The following HCK variants were observed in gnomAD, a reference collection of about 807,000 sequenced individuals.
HCK encodes the protein HCK proto-oncogene, Src family tyrosine kinase.
In HCK, 40 loss-of-function variants were observed where a neutral mutation model predicts 70.4. That is an observed-to-expected ratio of 0.57 (90% CI 0.44 to 0.74). HCK has a LOEUF of 0.74. Among genes scored for constraint, HCK ranks in the 30% least tolerant of loss-of-function variants. The probability of loss-of-function intolerance (pLI) is 0.00; values close to 1 mark genes in which losing one functional copy is unlikely to be tolerated. For missense variants in HCK, 568 were observed against 697.2 expected, an observed-to-expected ratio of 0.81 and a Z score of 2.09; for synonymous variants, 245 against 263.2, an observed-to-expected ratio of 0.93 and a Z score of 0.67.
chr20:32,081,236 C>A (rs770973323), intron 6 of HCK, among the ~76,000 whole-genome samples: 4 of 152,174 alleles, frequency 2.6e-5, no homozygotes, highest in Non-Finnish European at 5.9e-5. Context: ...GAAAATGCTC[C>A]TTGGAAGCTT....
intron 1 of HCK, among the ~76,000 whole-genome samples, chr20:32,071,340 C>T (rs752221323): frequency 5.3e-5 from 8 of 152,174 alleles, no homozygotes; most frequent in Non-Finnish European, 1.0e-4. Context: ...CCCAACAGCT[C>T]TACCTGTTAC....
rs764138133 is a variant in HCK, at chr20:32,086,578, G to A, written c.836-50G>A. On this transcript the variant is annotated intron_variant, in intron 8 of 12. Coordinates refer to ENST00000375852, the MANE Select transcript of HCK (RefSeq NM_002110.5). ...GCAGCTGGGCCTTCTAGGGTGGTAC[G>A]GGAGACCAGTGGGCTCTGACCACCT... is the stretch of plus-strand genomic sequence containing the variant. 1.1e-5 allele frequency: 16 copies of A among 1,502,354 alleles called. No individual in the cohort carries two copies. The South Asian group carries it at 1.2e-4, about 12-fold the overall frequency. The allele number at this position is 1,502,354 out of a possible 1,614,324, so 93.1% of individuals were successfully genotyped here.
intron 1 of HCK, among the ~76,000 whole-genome samples, chr20:32,063,578 T>C (rs2122492674): frequency 6.6e-6 from 1 of 152,196 alleles, no homozygotes. Flanking sequence ...AAGGCATGGC[T>C]TCAGTGCCAT....
At chr20:32,086,167 C>G (rs112517886) in intron 8 of HCK, among the ~76,000 whole-genome samples, 408 of 152,216 alleles carry the variant, frequency 2.7e-3, no homozygotes, top group Admixed American at 6.2e-3. Flanking sequence ...CTACAGGCGC[C>G]CACAACTGCG....
intron 1 of HCK, among the ~76,000 whole-genome samples, chr20:32,063,396 G>A (rs989283786): frequency 3.9e-5 from 6 of 151,946 alleles, no homozygotes; most frequent in African/African-American, 1.5e-4. Flanking sequence ...GGGAATACAG[G>A]CACATGCCGC....
At chr20:32,095,580 C>A (rs1044339425) in intron 11 of HCK, among the ~76,000 whole-genome samples, 1 of 152,036 alleles carries the variant, frequency 6.6e-6, no homozygotes, top group African/African-American at 2.4e-5. Context: ...TCTAAAGAGA[C>A]AGAAAGTAGA....
chr20:32,094,117 C>T (rs1449303624), intron 11 of HCK, 101 bp downstream of exon 11: 3 of 1,098,460 alleles, frequency 2.7e-6, no homozygotes, highest in Non-Finnish European at 4.0e-6. Context: ...CAAGGGACTG[C>T]CCCAGTACTA....
At chr20:32,069,656 T>C (rs757275636) in intron 1 of HCK, 41 of 512,896 alleles carry the variant, frequency 8.0e-5, no homozygotes, top group African/African-American at 7.9e-4. Flanking sequence ...ACTCCAAGAG[T>C]CTGAATGTGT....
At chr20:32,095,355 A>G (rs1461690613) in intron 11 of HCK, among the ~76,000 whole-genome samples, 1 of 152,098 alleles carries the variant, frequency 6.6e-6, no homozygotes, top group East Asian at 1.9e-4. Context: ...TCCCAGGTTC[A>G]AGCGATTCTT....
rs942973113 is a variant in HCK, at chr20:32,083,807, G to C, written c.533-87G>C. On this transcript the variant is annotated intron_variant, in intron 6 of 12. Coordinates refer to ENST00000375852, the MANE Select transcript of HCK (RefSeq NM_002110.5). The stretch of plus-strand genomic sequence containing the variant: ...GCCCAGGTGTCAGGACGGTGCCAGC[G>C]GTAGCCTTACAGGGTGTCAGAGTGC... 15 of 1,501,100 alleles carry C rather than the reference G, an allele frequency of 1.0e-5. No individual in the cohort carries two copies. In the East Asian group the frequency reaches 2.9e-4, roughly 29 times the overall value. The allele number at this position is 1,501,100 out of a possible 1,614,324, so 93.0% of individuals were successfully genotyped here.
intron 11 of HCK, among the ~76,000 whole-genome samples, chr20:32,095,857 A>ATATTTATT (rs142126874): frequency 2.5e-3 from 362 of 147,234 alleles, no homozygotes; most frequent in East Asian, 6.8e-3. Flanking sequence ...TGTTAGCCTA[A>ATATTTATT]TATTTATTTA....
chr20:32,074,607 C>T lies in HCK; in HGVS notation c.330-16C>T. On this transcript the variant is annotated splice_polypyrimidine_tract_variant and intron_variant, in intron 4 of 12. Coordinates refer to ENST00000375852, the MANE Select transcript of HCK (RefSeq NM_002110.5). ...TCCTTCTGTCCCTAACACCTTTACTCCCTCATGTCCCTCAGATCCGGGGAG... is the reference window on the plus strand; with the variant it reads ...TCCTTCTGTCCCTAACACCTTTACTTCCTCATGTCCCTCAGATCCGGGGAG... 1.3e-6 allele frequency: 2 copies of T among 1,577,842 alleles called. No individual in the cohort carries two copies. The highest frequency in any genetic ancestry group is 1.7e-6 in the Non-Finnish European group (2 of 1,147,030).
At chr20:32,072,279 C>T (rs192377887) in intron 2 of HCK, 1 of 156,626 alleles carries the variant, frequency 6.4e-6, no homozygotes, top group East Asian at 1.9e-4. Context: ...AGGTATTTAC[C>T]AACTTCTTTT....
chr20:32,071,894 G>A (rs954659919), intron 2 of HCK, 112 bp downstream of exon 2: 2 of 1,321,942 alleles, frequency 1.5e-6, no homozygotes, highest in Non-Finnish European at 2.1e-6. Context: ...GGGTGAAAGG[G>A]AGCTGACTGG....
chr20:32,088,191 C>T (rs771508108), intron 9 of HCK, among the ~76,000 whole-genome samples: 3 of 152,184 alleles, frequency 2.0e-5, no homozygotes, highest in Non-Finnish European at 2.9e-5. Flanking sequence ...CAGGAGTGAG[C>T]CTCGTGCCTA....
chr20:32,058,544 A>AT (rs1555873943), intron 1 of HCK, among the ~76,000 whole-genome samples: 1 of 147,076 alleles, frequency 6.8e-6, no homozygotes, highest in Admixed American at 6.8e-5. Flanking sequence ...AAAAAAAAAA[A>AT]GGGGGAGAAC....
At chr20:32,078,554 A>G (rs952760486) in intron 5 of HCK, among the ~76,000 whole-genome samples, 1 of 151,720 alleles carries the variant, frequency 6.6e-6, no homozygotes, top group African/African-American at 2.4e-5. Flanking sequence ...CTGTTCCTCA[A>G]TTTCATCATC....
intron 6 of HCK, among the ~76,000 whole-genome samples, chr20:32,081,533 A>C (rs1241968599): frequency 6.6e-6 from 1 of 152,218 alleles, no homozygotes; most frequent in African/African-American, 2.4e-5. Context: ...CGGTACCCTG[A>C]AGCAAACAGA....
chr20:32,060,238 T>C (rs1237903392), intron 1 of HCK, among the ~76,000 whole-genome samples: 1 of 152,156 alleles, frequency 6.6e-6, no homozygotes, highest in Non-Finnish European at 1.5e-5. Context: ...GTTTTTGTTT[T>C]GAGACAGGAT....
Sources: gnomAD v4.1 joint callset for allele counts (sites outside exome capture counted in the v4.1 genomes callset) on GRCh38, gnomAD v4.1.1 for gene constraint, MANE v1.5 for transcripts, NCBI Gene and HGNC (gene_info 2026-07-23, HGNC 2026-07-21) for gene names.